Variants in COG5 observed in about 807,000 individuals in gnomAD.
COG5 encodes the protein component of oligomeric golgi complex 5.
In COG5, 86 loss-of-function variants were observed where a neutral mutation model predicts 110.4. That is an observed-to-expected ratio of 0.78 (90% CI 0.65 to 0.93). The LOEUF is 0.93. Among genes scored for constraint, COG5 ranks in the 40% least tolerant of loss-of-function variants. COG5 has a pLI of 0.00. For synonymous variants in COG5, 360 were observed against 334.6 expected (o/e 1.08, Z -0.83); for missense variants, 1,077 against 987.0 (o/e 1.09, Z -1.22).
At chr7:107,450,094 T>A (rs915701457) in intron 6 of COG5, 1 of 152,354 alleles carries the variant, frequency 6.6e-6, no homozygotes, top group African/African-American at 2.4e-5. Flanking sequence ...TAGCTAAAAC[T>A]CACCAAGTAG....
chr7:107,382,450 T>C (rs779767306), intron 7 of COG5, among the ~76,000 whole-genome samples: 7 of 152,214 alleles, frequency 4.6e-5, no homozygotes, highest in Admixed American at 6.5e-5. Flanking sequence ...TCTTTCTTTT[T>C]TTGAGATGGA....
intron 6 of COG5, among the ~76,000 whole-genome samples, chr7:107,491,803 G>A (rs1797988299): frequency 6.6e-6 from 1 of 152,072 alleles, no homozygotes; most frequent in Non-Finnish European, 1.5e-5. Context: ...CCTGCTCACT[G>A]TACTAAAATC....
intron 6 of COG5, among the ~76,000 whole-genome samples, chr7:107,454,737 A>G (rs1188900672): frequency 6.6e-6 from 1 of 152,202 alleles, no homozygotes; most frequent in Non-Finnish European, 1.5e-5. Context: ...TGGTTAGGAC[A>G]GCAGCTGTGT....
intron 5 of COG5, among the ~76,000 whole-genome samples, chr7:107,538,242 C>A (rs1159234622): frequency 5.3e-5 from 8 of 152,184 alleles, no homozygotes; most frequent in Non-Finnish European, 1.2e-4. Context: ...TAGGGCAGGG[C>A]GGCCAGCTTT....
chr7:107,480,168 C>T (rs965489954), intron 6 of COG5, among the ~76,000 whole-genome samples: 1 of 152,074 alleles, frequency 6.6e-6, no homozygotes, highest in African/African-American at 2.4e-5. Flanking sequence ...TTAGAAAATT[C>T]ACATTTTCAG....
chr7:107,563,552 G>C lies in COG5; in HGVS notation c.94+251C>G, dbSNP rs1323357984. 2.2e-5 allele frequency: 11 copies of C among 500,768 alleles called. 2 individuals are homozygous for C. Among genetic ancestry groups the C allele is most frequent in the Middle Eastern group, 1.1e-3 (2 of 1,840 alleles). The allele number at this position is 500,768 out of a possible 1,614,324, so 31.0% of individuals were successfully genotyped here. A position where few individuals can be genotyped will look rare whatever the true frequency, so the allele number is the denominator to read the frequency against. On this transcript the variant is annotated intron_variant, in intron 1 of 21. Coordinates refer to ENST00000297135, the MANE Select transcript of COG5 (RefSeq NM_006348.5). ...CAGGGAAGCTGGAGGCATGGGGGGG[G>C]GGGGGGTCGAGTTGAAATGAGGAAC...
intron 6 of COG5, among the ~76,000 whole-genome samples, chr7:107,419,276 A>G (rs1164322586): frequency 6.6e-6 from 1 of 152,186 alleles, no homozygotes; most frequent in Admixed American, 6.5e-5. Context: ...TTAAGATTTT[A>G]ATATGTGATA....
chr7:107,374,739 A>G lies in COG5; in HGVS notation c.670-1979T>C, dbSNP rs1048606554. 1.7e-4 allele frequency among the ~76,000 whole-genome samples: 26 copies of G among 152,044 alleles called. No homozygotes were observed. The East Asian group carries it at 5.0e-3, about 29-fold the overall frequency. On this transcript the variant is annotated intron_variant, in intron 7 of 21. Coordinates refer to ENST00000297135, the MANE Select transcript of COG5 (RefSeq NM_006348.5). The stretch of plus-strand genomic sequence containing the variant: ...AGTATATATTACAGCATTATTTATA[A>G]TACAATTTACAATATTTATAATTCT...
chr7:107,528,877 T>G (rs1800967778), intron 5 of COG5, among the ~76,000 whole-genome samples: 1 of 152,020 alleles, frequency 6.6e-6, no homozygotes, highest in Non-Finnish European at 1.5e-5. Flanking sequence ...ACCCATGCAC[T>G]CACAAGCAAT....
In COG5 at chr7:107,210,612, G is replaced by A. The variant is rs778380856; in HGVS notation, c.2296-7C>T. On this transcript the variant is annotated splice_polypyrimidine_tract_variant and splice_region_variant and intron_variant, in intron 20 of 21. Coordinates refer to ENST00000297135, the MANE Select transcript of COG5 (RefSeq NM_006348.5). ...TGTGGGACCACTCTGCCCTCTGCAG[G>A]GTTGAAACACAATTAGAGAGAGTGC... 1.3e-6 allele frequency: 2 copies of A among 1,595,046 alleles called. No individual in the cohort carries two copies. Among genetic ancestry groups the A allele is most frequent in the African/African-American group, 2.7e-5 (2 of 74,840 alleles).
At chr7:107,311,514 C>T (rs1808265124) in intron 11 of COG5, among the ~76,000 whole-genome samples, 1 of 149,512 alleles carries the variant, frequency 6.7e-6, no homozygotes, top group Non-Finnish European at 1.5e-5. Flanking sequence ...CTGCCTCAGC[C>T]TCCCGAGTAG....
chr7:107,540,879 G>A (rs892805196), intron 5 of COG5, among the ~76,000 whole-genome samples: 5 of 151,958 alleles, frequency 3.3e-5, no homozygotes, highest in East Asian at 1.9e-4. Context: ...GGCCGGGCAC[G>A]GTGGCTCATG....
chr7:107,266,045 C>T (rs1050268974), intron 14 of COG5, among the ~76,000 whole-genome samples: 1 of 151,722 alleles, frequency 6.6e-6, no homozygotes, highest in Non-Finnish European at 1.5e-5. Flanking sequence ...GACCCTGTCT[C>T]CAAATAATAA....
intron 6 of COG5, among the ~76,000 whole-genome samples, chr7:107,414,396 G>A (rs1205421735): frequency 6.6e-6 from 1 of 151,986 alleles, no homozygotes; most frequent in African/African-American, 2.4e-5. Flanking sequence ...CATCTCCTTA[G>A]GAGAAAACTA....
intron 18 of COG5, among the ~76,000 whole-genome samples, chr7:107,232,112 G>A (rs1800819745): frequency 6.6e-6 from 1 of 152,096 alleles, no homozygotes; most frequent in Admixed American, 6.5e-5. Flanking sequence ...GTCCTAGAAG[G>A]AAACCTTATA....
chr7:107,245,649 G>T (rs1006916500), intron 17 of COG5, among the ~76,000 whole-genome samples: 4 of 152,048 alleles, frequency 2.6e-5, no homozygotes, highest in African/African-American at 9.7e-5. Context: ...AGGAATACAG[G>T]TAACCAGGGA....
chr7:107,563,791 C>A lies in COG5; in HGVS notation c.94+12G>T, dbSNP rs781367888. On this transcript the variant is annotated intron_variant, in intron 1 of 21. Transcript: ENST00000297135. ...CCCAACCCCACGACCTGGTCAGACCCCGTCTCCTTACCGTCCTGCAGAAGT... is the reference window on the plus strand; with the variant it reads ...CCCAACCCCACGACCTGGTCAGACCACGTCTCCTTACCGTCCTGCAGAAGT... 9 of 1,613,726 alleles carry A rather than the reference C, an allele frequency of 5.6e-6. No individual in the cohort carries two copies. In the Admixed American group the frequency reaches 1.3e-4, roughly 24 times the overall value.
chr7:107,370,995 AT>A (rs1189643863), intron 8 of COG5, among the ~76,000 whole-genome samples: 1 of 151,852 alleles, frequency 6.6e-6, no homozygotes, highest in Non-Finnish European at 1.5e-5. Flanking sequence ...AACTGCTTTC[AT>A]TTTTTTCCCC....
chr7:107,347,327 T>C (rs972740861), intron 10 of COG5, among the ~76,000 whole-genome samples: 2 of 152,108 alleles, frequency 1.3e-5, no homozygotes, highest in Non-Finnish European at 2.9e-5. Flanking sequence ...GGTAAATAAT[T>C]ACCACTGGGG....
Sources: gnomAD v4.1 joint callset for allele counts (sites outside exome capture counted in the v4.1 genomes callset) on GRCh38, gnomAD v4.1.1 for gene constraint, MANE v1.5 for transcripts, NCBI Gene and HGNC (gene_info 2026-07-23, HGNC 2026-07-21) for gene names.